The following ATG10 variants were observed in gnomAD, a reference collection of about 807,000 sequenced individuals.
ATG10 encodes the protein autophagy related 10.
A neutral mutation model predicts 32.1 loss-of-function variants in ATG10; 30 were observed. The ratio of observed to expected loss-of-function variants is 0.94; its 90% CI spans 0.70 to 1.27. The LOEUF is 1.27. ATG10 is among the 50% of genes most tolerant of loss of function. ATG10 has a pLI of 0.00. For synonymous variants in ATG10, 87 were observed against 91.5 expected (o/e 0.95, Z 0.28); for missense variants, 233 against 262.3 (o/e 0.89, Z 0.77).
intron 3 of ATG10, among the ~76,000 whole-genome samples, chr5:82,094,829 T>C (rs187908025): frequency 1.2e-3 from 182 of 152,224 alleles, no homozygotes; most frequent in African/African-American, 4.2e-3. Flanking sequence ...TTACAAATAT[T>C]GAAGTGGATG....
intron 3 of ATG10, among the ~76,000 whole-genome samples, chr5:82,152,642 A>G (rs565480163): frequency 4.6e-5 from 7 of 152,338 alleles, no homozygotes; most frequent in Admixed American, 2.0e-4. Flanking sequence ...GGCTACTTTC[A>G]TTAGTACCCA....
At chr5:82,164,572 A>G in intron 4 of ATG10, 35 bp downstream of exon 4, 1 of 1,553,662 alleles carries the variant, frequency 6.4e-7, no homozygotes, top group Non-Finnish European at 8.8e-7. Flanking sequence ...GTAAATTTAT[A>G]ACATTTACAT....
At chr5:82,083,701 C>T (rs920808654) in intron 3 of ATG10, among the ~76,000 whole-genome samples, 4 of 152,178 alleles carry the variant, frequency 2.6e-5, no homozygotes, top group Non-Finnish European at 2.9e-5. Context: ...GCCTCCACTG[C>T]CAGGCCAACA....
At chr5:82,007,987 A>G (rs886289248) in intron 2 of ATG10, among the ~76,000 whole-genome samples, 12 of 152,338 alleles carry the variant, frequency 7.9e-5, no homozygotes, top group Admixed American at 2.0e-4. Flanking sequence ...AAAGAAATAG[A>G]TATTTCTCAC....
intron 3 of ATG10, among the ~76,000 whole-genome samples, chr5:82,150,092 T>C (rs1288829453): frequency 6.6e-6 from 1 of 152,206 alleles, no homozygotes; most frequent in Non-Finnish European, 1.5e-5. Flanking sequence ...CACCTATTGC[T>C]GTGGGTATAG....
intron 3 of ATG10, among the ~76,000 whole-genome samples, chr5:82,068,699 T>TTATA (rs1425922722): frequency 4.1e-5 from 6 of 146,114 alleles, no homozygotes; most frequent in African/African-American, 1.5e-4. Flanking sequence ...TATATATATC[T>TTATA]TATATATATA....
At chr5:82,042,508 G>C (rs1301793172) in intron 2 of ATG10, among the ~76,000 whole-genome samples, 1 of 152,008 alleles carries the variant, frequency 6.6e-6, no homozygotes, top group East Asian at 1.9e-4. Flanking sequence ...CTTTTCAACA[G>C]TCCCCAAGTC....
chr5:82,009,967 C>G, intron 2 of ATG10: 1 of 1,611,726 alleles, frequency 6.2e-7, no homozygotes, highest in Non-Finnish European at 8.5e-7. Context: ...AATCCTTTCT[C>G]TCCAGTGCTC....
At position 82,250,282 on chromosome 5, in the gene ATG10, T is replaced by A. The variant is rs373086293; in HGVS notation, c.454-2280T>A. Among the ~76,000 whole-genome samples the A allele has an allele frequency of 3.5e-4, 54 of 152,308 alleles. No homozygotes were observed. The East Asian group carries it at 8.5e-3, about 24-fold the overall frequency. The stretch of plus-strand genomic sequence containing the variant: ...CCAAATCTCTGCATGGTTGTTTTTT[T>A]CCTTGTCGTTCTGATCTTTGATTAA... On this transcript the variant is annotated intron_variant, in intron 5 of 7. Coordinates refer to ENST00000282185, the MANE Select transcript of ATG10 (RefSeq NM_031482.5).
At chr5:82,195,681 G>C (rs556434904) in intron 5 of ATG10, among the ~76,000 whole-genome samples, 1 of 152,176 alleles carries the variant, frequency 6.6e-6, no homozygotes, top group South Asian at 2.1e-4. Context: ...ATGTTTTCAA[G>C]GTTCACCCAT....
intron 3 of ATG10, among the ~76,000 whole-genome samples, chr5:82,074,134 C>T: frequency 6.6e-6 from 1 of 152,086 alleles, no homozygotes; most frequent in East Asian, 1.9e-4. Context: ...TTCCATATTC[C>T]ATTCTATATA....
chr5:82,163,237 T>G (rs1485082420), intron 3 of ATG10, among the ~76,000 whole-genome samples: 5 of 152,236 alleles, frequency 3.3e-5, no homozygotes, highest in Admixed American at 1.3e-4. Flanking sequence ...CATATTTATT[T>G]CCATGATTTC....
intron 2 of ATG10, among the ~76,000 whole-genome samples, chr5:81,994,109 C>T (rs936199845): frequency 1.3e-5 from 2 of 152,218 alleles, no homozygotes; most frequent in African/African-American, 2.4e-5. Flanking sequence ...TTCTCCAATT[C>T]ATTCAACACA....
chr5:82,177,178 A>T (rs1252749911), intron 4 of ATG10, among the ~76,000 whole-genome samples: 1 of 152,172 alleles, frequency 6.6e-6, no homozygotes, highest in East Asian at 1.9e-4. Context: ...CACTAATGTA[A>T]GCCTCAAAAG....
At chr5:82,002,172 A>T (rs1256393519) in intron 2 of ATG10, among the ~76,000 whole-genome samples, 1 of 152,244 alleles carries the variant, frequency 6.6e-6, no homozygotes, top group Non-Finnish European at 1.5e-5. Context: ...AAAAGGGAAT[A>T]CTTATACACT....
intron 3 of ATG10, among the ~76,000 whole-genome samples, chr5:82,081,843 G>A (rs1206734615): frequency 1.3e-5 from 2 of 152,152 alleles, no homozygotes; most frequent in Non-Finnish European, 2.9e-5. Flanking sequence ...TCTCTGCCAG[G>A]CCTTGGTATC....
At chr5:82,130,513 A>G in intron 3 of ATG10, among the ~76,000 whole-genome samples, 1 of 152,144 alleles carries the variant, frequency 6.6e-6, no homozygotes, top group East Asian at 1.9e-4. Flanking sequence ...TGGGTTGCCA[A>G]GACCGTGGGA....
intron 2 of ATG10, among the ~76,000 whole-genome samples, chr5:82,002,344 A>G (rs1247200348): frequency 6.6e-6 from 1 of 152,228 alleles, no homozygotes; most frequent in African/African-American, 2.4e-5. Flanking sequence ...ACATGAATGC[A>G]TATGTTCATG....
intron 5 of ATG10, among the ~76,000 whole-genome samples, chr5:82,230,887 A>C (rs1746342470): frequency 6.6e-6 from 1 of 152,154 alleles, no homozygotes; most frequent in Admixed American, 6.6e-5. Context: ...GGAAAATTAT[A>C]TATGAAATAA....
Sources: allele counts gnomAD v4.1 joint callset (sites outside exome capture counted in the v4.1 genomes callset), GRCh38; gene constraint gnomAD v4.1.1; transcripts MANE v1.5; gene names NCBI Gene and HGNC (gene_info 2026-07-23, HGNC 2026-07-21).